The following PRDM11 variants were observed in gnomAD, a reference collection of about 807,000 sequenced individuals.
The protein encoded by PRDM11 is PR/SET domain 11, also known as PR domain-containing protein 11.
PRDM11 carries 20 observed loss-of-function variants against 97.8 expected under a neutral mutation model. That is an observed-to-expected ratio of 0.20 (90% CI 0.14 to 0.30). The LOEUF (loss-of-function observed/expected upper bound fraction) is 0.30. Among genes scored for constraint, PRDM11 ranks in the 10% least tolerant of loss-of-function variants. The pLI is 1.00. For synonymous variants in PRDM11, 599 were observed against 637.7 expected (o/e 0.94, Z 0.91); for missense variants, 1,139 against 1,555.2 (o/e 0.73, Z 4.50).
chr11:45,109,836 T>C (rs1172150685), intron 1 of PRDM11, among the ~76,000 whole-genome samples: 1 of 152,128 alleles, frequency 6.6e-6, no homozygotes, highest in Non-Finnish European at 1.5e-5. Flanking sequence ...TAAAATTCCT[T>C]CCCTTTCTGA....
rs551400544 is a variant in PRDM11 at position 45,158,683 on chromosome 11, G to A, written c.-7+11806G>A. Among the ~76,000 whole-genome samples, 21 of 152,234 alleles carry A rather than the reference G, an allele frequency of 1.4e-4. No homozygotes were observed. The South Asian group carries it at 4.3e-3, about 32-fold the overall frequency. On this transcript the variant is annotated intron_variant, in intron 1 of 7. Transcript: ENST00000683152. ...GAGGGCCTCCCTGACGGGAGCTGGG[G>A]AGCAGGCCCTGGGACAGCTGAGCCT...
rs1854071234 is a variant in PRDM11, at chr11:45,219,940, T to G, written c.742+183T>G. On this transcript the variant is annotated intron_variant, in intron 6 of 7. Coordinates refer to ENST00000683152, the MANE Select transcript of PRDM11 (RefSeq NM_001384648.1). This position sits in a 1 kb window ranked among gnomAD's most constrained non-coding sequence, Gnocchi z 4.2. ...GGGCCAAGCAGGGGCCACCCCAGCA[T>G]GTTATCGACCCCTAGAAATGGTCTC... 6.6e-6 allele frequency among the ~76,000 whole-genome samples: 1 copy of G among 152,192 alleles called. No homozygotes were observed.
chr11:45,197,047 A>G (rs1853148758), intron 4 of PRDM11, among the ~76,000 whole-genome samples: 1 of 152,188 alleles, frequency 6.6e-6, no homozygotes, highest in Non-Finnish European at 1.5e-5. Context: ...TTATCATCAG[A>G]TGGGTTTCAG....
Position 45,227,394 on chromosome 11 carries a change from T to G in PRDM11, c.2769T>G (p.Ala923=), listed in dbSNP as rs1184456997. The G allele has an allele frequency of 6.5e-7, 1 of 1,533,930 alleles. No homozygotes were observed. The highest frequency in any genetic ancestry group is 2.0e-5 in the Admixed American group (1 of 51,002). The change falls in exon 8 of 8, where the codon GCT becomes GCG. Residue 923 remains alanine, a synonymous_variant. Transcript: ENST00000683152. This position sits in a 1 kb window ranked among gnomAD's most constrained non-coding sequence, Gnocchi z 8.0. ...EEAIQEISRL[A]DSPGEYLQEF... The stretch of plus-strand genomic sequence containing the variant: ...CCATCCAGGAGATCAGCCGGCTGGC[T>G]GACTCCCCGGGAGAATACCTGCAGG...
In PRDM11 at chr11:45,203,367, GA is replaced by G. The variant is rs958751518; in HGVS notation, c.487-1335del. On this transcript the variant is annotated intron_variant, in intron 4 of 7. Coordinates refer to ENST00000683152, the MANE Select transcript of PRDM11 (RefSeq NM_001384648.1). ...GCAGGATGTATAAAAGGGTGGACCT[GA>G]AAAAAAAACTAATTAAAAATTCTGG... Among the ~76,000 whole-genome samples, 50 of 145,742 alleles carry G rather than the reference GA, an allele frequency of 3.4e-4. 1 individual carries two copies. In the East Asian group the frequency reaches 3.6e-3, roughly 10 times the overall value.
At chr11:45,190,988 G>A (rs918049380) in intron 4 of PRDM11, among the ~76,000 whole-genome samples, 4 of 152,114 alleles carry the variant, frequency 2.6e-5, no homozygotes, top group Non-Finnish European at 2.9e-5. Flanking sequence ...GCTATAGTTC[G>A]TATTCAGATT....
chr11:45,194,590 C>CTTTTTTTTTTTTTTT lies in PRDM11; in HGVS notation c.487-10120_487-10119insTTTTTTTTTTTTTTT. Among the ~76,000 whole-genome samples, 2 of 89,992 alleles carry CTTTTTTTTTTTTTTT rather than the reference C, an allele frequency of 2.2e-5. 1 individual carries two copies. The allele number at this position is 89,992 out of a possible 152,430, so 59.0% of individuals were successfully genotyped here. A position where few individuals can be genotyped will look rare whatever the true frequency, so the allele number is the denominator to read the frequency against. On this transcript the variant is annotated intron_variant, in intron 4 of 7. Coordinates refer to ENST00000683152, the MANE Select transcript of PRDM11 (RefSeq NM_001384648.1). ...AGTACTGTGGGATAGTTATTATCTTCTGTTTTTTTTTTTTTTTTTTTTTTT... is the reference window on the plus strand; with the variant it reads ...AGTACTGTGGGATAGTTATTATCTTCTTTTTTTTTTTTTTTTGTTTTTTTTTTTTTTTTTTTTTTT...
At chr11:45,190,958 A>G (rs938251046) in intron 4 of PRDM11, among the ~76,000 whole-genome samples, 1 of 152,194 alleles carries the variant, frequency 6.6e-6, no homozygotes, top group Admixed American at 6.5e-5. Flanking sequence ...GAAATTTGAC[A>G]TGGATACAAT....
chr11:45,136,329 C>T (rs1037776477), intron 1 of PRDM11, among the ~76,000 whole-genome samples: 3 of 152,078 alleles, frequency 2.0e-5, no homozygotes, highest in African/African-American at 7.2e-5. Context: ...TTAATGTGTG[C>T]CTAGTAAGCC....
chr11:45,181,046 C>A (rs977944237), intron 1 of PRDM11, among the ~76,000 whole-genome samples: 6 of 152,176 alleles, frequency 3.9e-5, no homozygotes, highest in Non-Finnish European at 7.4e-5. Context: ...AGTCCCAGGG[C>A]CCAGCGCCGT....
chr11:45,170,844 G>A (rs920105663), intron 1 of PRDM11, among the ~76,000 whole-genome samples: 7 of 152,172 alleles, frequency 4.6e-5, no homozygotes, highest in African/African-American at 1.7e-4. Context: ...TTAGAGCAGG[G>A]TGGCAGCCAT....
At chr11:45,182,682 A>G (rs1852553329) in intron 3 of PRDM11, among the ~76,000 whole-genome samples, 179 bp from the exon 4 acceptor site, 1 of 152,184 alleles carries the variant, frequency 6.6e-6, no homozygotes, top group Non-Finnish European at 1.5e-5. Context: ...GGCCTCCTTG[A>G]CGTAGGCAGG....
rs1854323458 is a variant in PRDM11 at position 45,228,206 on chromosome 11, T to C, written c.*47T>C. The stretch of plus-strand genomic sequence containing the variant: ...ACTAAGCTGTTGAATATTTTTTTAA[T>C]CTATACTCATAAGCTTTGATATATT... On this transcript the variant is annotated 3_prime_UTR_variant, in exon 8 of 8. Transcript: ENST00000683152. 2.2e-6 allele frequency: 3 copies of C among 1,344,030 alleles called. No individual in the cohort carries two copies. The highest frequency in any genetic ancestry group is 1.5e-5 in the African/African-American group (1 of 66,580). The allele number at this position is 1,344,030 out of a possible 1,614,324, so 83.3% of individuals were successfully genotyped here.
At chr11:45,157,767 C>T (rs1851836938) in intron 1 of PRDM11, among the ~76,000 whole-genome samples, 1 of 152,200 alleles carries the variant, frequency 6.6e-6, no homozygotes, top group Non-Finnish European at 1.5e-5. Flanking sequence ...CTGGCCATGG[C>T]AGAACTCTCT....
At chr11:45,166,077 AACTG>A (rs1476524822) in intron 1 of PRDM11, among the ~76,000 whole-genome samples, 3 of 152,218 alleles carry the variant, frequency 2.0e-5, no homozygotes, top group African/African-American at 4.8e-5. Flanking sequence ...ACTAATTACA[AACTG>A]ACTGAAACTC....
intron 4 of PRDM11, among the ~76,000 whole-genome samples, chr11:45,201,803 T>TAA (rs375086298): frequency 0.033 from 5,031 of 150,862 alleles, 263 homozygotes; most frequent in African/African-American, 0.12. Context: ...CTGTCTCTAC[T>TAA]AAAAAAAAAC....
At chr11:45,141,835 T>G (rs528377886), upstream of PRDM11, among the ~76,000 whole-genome samples, 27 of 152,284 alleles carry the variant, frequency 1.8e-4, no homozygotes, top group African/African-American at 6.3e-4. Flanking sequence ...ATGCATCTGA[T>G]TGACAGCCTG....
intron 1 of PRDM11, among the ~76,000 whole-genome samples, chr11:45,162,679 C>T (rs116214820): frequency 0.014 from 2,137 of 152,204 alleles, 45 homozygotes; most frequent in African/African-American, 0.049. Flanking sequence ...TAAGTGGCTT[C>T]CCAAGATCAT....
chr11:45,161,556 T>A (rs757276639), intron 1 of PRDM11, among the ~76,000 whole-genome samples: 1 of 152,192 alleles, frequency 6.6e-6, no homozygotes, highest in Non-Finnish European at 1.5e-5. Context: ...ATGAGGTTCG[T>A]TGTGGCTGCG....
Sources: gnomAD v4.1 joint callset for allele counts (sites outside exome capture counted in the v4.1 genomes callset) on GRCh38, gnomAD v4.1.1 for gene constraint, Gnocchi (gnomAD v3.1) non-coding constraint, MANE v1.5 for transcripts, NCBI Gene and HGNC (gene_info 2026-07-23, HGNC 2026-07-21) for gene names.